The following SLC9A7 variants were observed in gnomAD, a reference collection of about 807,000 sequenced individuals.
The protein encoded by SLC9A7 is sodium/hydrogen exchanger 7.
Under a neutral mutation model 52.6 loss-of-function variants are expected in SLC9A7, and 19 were observed. The ratio of observed to expected loss-of-function variants is 0.36; its 90% confidence interval spans 0.25 to 0.53. The LOEUF is 0.53. Ranked by LOEUF, SLC9A7 falls within the 20% of genes least tolerant of loss-of-function variation. The pLI, the probability that SLC9A7 is intolerant of heterozygous loss-of-function variation, is 0.91. For missense variants in SLC9A7, 455 were observed against 597.9 expected (o/e 0.76, Z 2.49); for synonymous variants, 226 against 252.1 (o/e 0.90, Z 0.98).
chrX:46,679,811 A>G (rs1305778056), intron 2 of SLC9A7, 56 bp from the exon 3 acceptor site: 6 of 717,475 alleles, frequency 8.4e-6, no homozygotes, highest in Non-Finnish European at 1.1e-5. Flanking sequence ...AATTCATGCT[A>G]TAATATCTGC....
intron 11 of SLC9A7, among the ~76,000 whole-genome samples, chrX:46,645,739 T>C (rs1470490205): frequency 9.2e-6 from 1 of 109,059 alleles, no homozygotes; most frequent in African/African-American, 3.4e-5. Flanking sequence ...AACTAAAACG[T>C]GATTCAGAAA....
intron 1 of SLC9A7, among the ~76,000 whole-genome samples, chrX:46,712,657 T>C (rs1228643865): frequency 8.9e-6 from 1 of 112,218 alleles, no homozygotes. Context: ...CATTGTGCAC[T>C]GAGTCTTGTA....
intron 1 of SLC9A7, among the ~76,000 whole-genome samples, chrX:46,714,282 A>C (rs1419624065): frequency 9.0e-6 from 1 of 111,654 alleles, no homozygotes; most frequent in Admixed American, 9.6e-5. Flanking sequence ...TAGAAGTAGG[A>C]TTCCAACTTG....
chrX:46,648,567 T>A (rs1943530109), intron 11 of SLC9A7, 119 bp downstream of exon 11: 8 of 543,446 alleles, frequency 1.5e-5, no homozygotes, highest in Non-Finnish European at 2.1e-5. Context: ...CTGCAGGGGA[T>A]ACAAACGGAC....
chrX:46,725,073 C>T (rs12842811), intron 1 of SLC9A7: 232,218 of 507,045 alleles, frequency 0.46, 40,922 homozygotes, highest in Non-Finnish European at 0.55. Flanking sequence ...AAATCTGTTA[C>T]GTTAATTTGG....
At chrX:46,737,366 A>G (rs1464384828) in intron 1 of SLC9A7, among the ~76,000 whole-genome samples, 1 of 111,902 alleles carries the variant, frequency 8.9e-6, no homozygotes, top group African/African-American at 3.3e-5. Context: ...TAATCTTCTT[A>G]CTGGTTTATA....
At chrX:46,662,388 G>C in intron 6 of SLC9A7, 150 bp downstream of exon 6, 1 of 513,439 alleles carries the variant, frequency 1.9e-6, no homozygotes. Flanking sequence ...GGCACACAAA[G>C]CAACGTAATT....
chrX:46,704,991 G>A (rs189025098), intron 1 of SLC9A7, among the ~76,000 whole-genome samples: 153 of 112,502 alleles, frequency 1.4e-3, no homozygotes, highest in Non-Finnish European at 2.4e-3. Flanking sequence ...AAAAGTTGTT[G>A]AGGAAAACTT....
At chrX:46,683,298 C>T (rs1944243312) in intron 1 of SLC9A7, among the ~76,000 whole-genome samples, 1 of 111,409 alleles carries the variant, frequency 9.0e-6, no homozygotes, top group South Asian at 3.8e-4. Context: ...CAAGGACCAG[C>T]CCACTGGAAT....
intron 1 of SLC9A7, among the ~76,000 whole-genome samples, chrX:46,744,563 TAC>T (rs1336764025): frequency 4.5e-5 from 5 of 112,111 alleles, no homozygotes; most frequent in African/African-American, 1.6e-4. Context: ...AACCTGAAGT[TAC>T]ACACTAGTTA....
At chrX:46,621,126 A>C (rs1440269513) in intron 14 of SLC9A7, 67 bp from the exon 15 acceptor site, 8 of 704,486 alleles carry the variant, frequency 1.1e-5, no homozygotes, top group East Asian at 3.5e-5. Context: ...GGGAAAAAAA[A>C]CCTTTTTTAA....
intron 1 of SLC9A7, among the ~76,000 whole-genome samples, chrX:46,753,082 G>A (rs1318252707): frequency 5.4e-5 from 6 of 111,830 alleles, no homozygotes; most frequent in Non-Finnish European, 5.7e-5. Flanking sequence ...TCCAGAGACC[G>A]CTTTACAAAG....
intron 1 of SLC9A7, among the ~76,000 whole-genome samples, chrX:46,714,229 C>G (rs904510791): frequency 1.1e-4 from 12 of 110,860 alleles, no homozygotes; most frequent in African/African-American, 3.9e-4. Flanking sequence ...ACTGGATCTT[C>G]AAGAGTAAGT....
In SLC9A7 at chrX:46,606,525, C is replaced by T; in HGVS notation, c.*427G>A. On this transcript the variant is annotated 3_prime_UTR_variant, in exon 17 of 17. Transcript: ENST00000616978. ...ATCCTTGGAGTTCCGATCTCAATTG[C>T]CTTCCTTCTCTTTAACTTGATAATT... 1 of 767,783 alleles carries T rather than the reference C, an allele frequency of 1.3e-6. No homozygotes were observed. The highest frequency in any genetic ancestry group is 1.5e-6 in the Non-Finnish European group (1 of 647,614). The allele number at this position is 767,783 out of a possible 1,213,427, so 63.3% of individuals were successfully genotyped here.
intron 1 of SLC9A7, among the ~76,000 whole-genome samples, chrX:46,737,700 AACTC>A (rs1280520713): frequency 4.5e-5 from 5 of 111,594 alleles, no homozygotes; most frequent in African/African-American, 1.6e-4. Context: ...ATTAGGTAAT[AACTC>A]ACTGAATATT....
In SLC9A7 at chrX:46,758,684, G is replaced by C. The variant is rs1470341550; in HGVS notation, c.325+21C>G. The C allele has an allele frequency of 2.8e-6, 3 of 1,081,167 alleles. No homozygotes were observed. In the Admixed American group the frequency reaches 7.7e-5, roughly 28 times the overall value. The allele number at this position is 1,081,167 out of a possible 1,213,427, so 89.1% of individuals were successfully genotyped here. On this transcript the variant is annotated intron_variant, in intron 1 of 16. Coordinates refer to ENST00000616978, the MANE Select transcript of SLC9A7 (RefSeq NM_001257291.2). The stretch of plus-strand genomic sequence containing the variant: ...GCGGCCGAGGGGTGTGGAGGGCGGG[G>C]GGTGTAACAGGGGTGCTCACCATAG...
At chrX:46,671,569 A>G (rs1419763570) in intron 4 of SLC9A7, among the ~76,000 whole-genome samples, 2 of 111,558 alleles carry the variant, frequency 1.8e-5, no homozygotes, top group African/African-American at 6.5e-5. Flanking sequence ...TCGCCCTGCC[A>G]GACTTTGCTC....
intron 12 of SLC9A7, among the ~76,000 whole-genome samples, chrX:46,639,978 T>C (rs1339297748): frequency 7.1e-5 from 8 of 112,175 alleles, no homozygotes; most frequent in African/African-American, 2.6e-4. Context: ...ATCATGTTCA[T>C]GGATTGGAAG....
intron 1 of SLC9A7, among the ~76,000 whole-genome samples, chrX:46,732,802 G>T (rs193024029): frequency 9.0e-6 from 1 of 111,422 alleles, no homozygotes; most frequent in Non-Finnish European, 1.9e-5. Flanking sequence ...AGTATTGTTC[G>T]ATTACTATAA....
Sources: gnomAD v4.1 joint callset for allele counts (sites outside exome capture counted in the v4.1 genomes callset) on GRCh38, gnomAD v4.1.1 for gene constraint, MANE v1.5 for transcripts, NCBI Gene and HGNC (gene_info 2026-07-23, HGNC 2026-07-21) for gene names.